The following SLITRK3 variants were observed in gnomAD, a reference collection of about 807,000 sequenced individuals.
The protein encoded by SLITRK3 is SLIT and NTRK like family member 3.
SLITRK3 carries 16 observed loss-of-function variants against 63.6 expected under a neutral mutation model. The observed-to-expected ratio is 0.25, with a 90% CI of 0.17 to 0.38. The LOEUF (loss-of-function observed/expected upper bound fraction) is 0.38. SLITRK3 is among the 10% of genes least tolerant of loss of function. The pLI is 1.00. For synonymous variants in SLITRK3, 547 were observed against 451.6 expected (o/e 1.21, Z -2.68); for missense variants, 1,117 against 1,181.4 (o/e 0.95, Z 0.80).
At position 165,188,401 on chromosome 3, in the gene SLITRK3, G is replaced by C. The variant is rs376355321; in HGVS notation, c.2430C>G (p.Thr810=). The C allele has an allele frequency of 1.9e-4, 308 of 1,613,804 alleles. No individual in the cohort carries two copies. The highest frequency in any genetic ancestry group is 2.4e-4 in the Non-Finnish European group (278 of 1,179,978). ...CCCACTCCTTCTCTTTTTCCAGCAA[G>C]GTCCGGTAGTTACTATGGTTCTCCT... is the stretch of plus-strand genomic sequence containing the variant. ...TPKENHSNYR[T]LLEKEKEWAL... is the part of the protein sequence containing the mutation. Residue 810 remains threonine (T), a synonymous_variant, in exon 2 of 2, where the codon ACC becomes ACG. Transcript: ENST00000475390.
In SLITRK3 at chr3:165,189,970, A is replaced by G. The variant is rs146769812; in HGVS notation, c.861T>C (p.Ser287=). 52 of 1,614,080 alleles carry G rather than the reference A, an allele frequency of 3.2e-5. No individual in the cohort carries two copies. The highest frequency in any genetic ancestry group is 1.6e-4 in the Middle Eastern group (1 of 6,084). The change falls in exon 2 of 2, where the codon TCT becomes TCC. Residue 287 remains serine (S), a synonymous_variant. Transcript: ENST00000475390. The surrounding 1 kb of genome is among the most constrained non-coding windows in gnomAD (Gnocchi z 4.0). ...KTELCPLLSD[S]EVEASLGIPH... ...GAATTCCCAAACTAGCCTCTACCTC[A>G]GAGTCAGACAACAAGGGACAGAGTT...
In SLITRK3 at chr3:165,195,675, T is replaced by C. The variant is rs1560056958; in HGVS notation, c.-117A>G. 1 of 152,734 alleles carries C rather than the reference T, an allele frequency of 6.5e-6. No individual in the cohort carries two copies. The highest frequency in any genetic ancestry group is 2.4e-5 in the African/African-American group (1 of 41,472). The allele number at this position is 152,734 out of a possible 1,614,324, so 9.5% of individuals were successfully genotyped here. ...CTGCGAAGCTGAATTGTATCCATCATACTGTAGCCTTGTAGCTTCTCCTCT... is the reference window on the plus strand; with the variant it reads ...CTGCGAAGCTGAATTGTATCCATCACACTGTAGCCTTGTAGCTTCTCCTCT... On this transcript the variant is annotated 5_prime_UTR_variant, in exon 1 of 2. It removes an upstream start codon present in the reference 5' UTR. Coordinates refer to ENST00000475390, the MANE Select transcript of SLITRK3 (RefSeq NM_001318810.2).
chr3:165,190,642 A>G lies in SLITRK3; in HGVS notation c.189T>C (p.Ser63=). Residue 63 remains serine (S), a synonymous_variant, in exon 2 of 2, where the codon AGT becomes AGC. Coordinates refer to ENST00000475390, the MANE Select transcript of SLITRK3 (RefSeq NM_001318810.2). ...TCTGACTAATATTTGTAAATCCTTT[A>G]CTGTCACAATGTATATGAAAGAGGC... The part of the protein sequence containing the change: ...KESLFHIHCD[S]KGFTNISQIT... 2 of 1,614,048 alleles carry G rather than the reference A, an allele frequency of 1.2e-6. No homozygotes were observed. Among genetic ancestry groups the G allele is most frequent in the Non-Finnish European group, 1.7e-6 (2 of 1,179,950 alleles).
Position 165,190,279 on chromosome 3 carries a change from G to A in SLITRK3, c.552C>T (p.Leu184=). The A allele has an allele frequency of 1.2e-6, 2 of 1,614,138 alleles. No individual in the cohort carries two copies. Residue 184 remains leucine, a synonymous_variant, in exon 2 of 2, where the codon CTC becomes CTT. Transcript: ENST00000475390. ...KLRVLILNDN[L]IPMLPTNLFK... is the part of the protein sequence containing the mutation. ...ATAAATTGGTTGGAAGCATGGGGAT[G>A]AGATTATCATTTAAAATCAGAACCC...
At chr3:165,195,309 C>T (rs941656501) in intron 1 of SLITRK3, among the ~76,000 whole-genome samples, 3 of 152,118 alleles carry the variant, frequency 2.0e-5, no homozygotes, top group Admixed American at 1.3e-4. Context: ...GGGGAGGGGT[C>T]CTTCGCTCCG....
In SLITRK3 at chr3:165,188,144, G is replaced by C; in HGVS notation, c.2687C>G (p.Thr896Arg). ...ATAGAGACAGTCCACAAATCCCACT[G>C]TGCAGGGGGCAGGCTGTGGCCTCTC... ...DRERPQPAPC[T>R]VGFVDCLYGT... Residue 896 changes from threonine (T) to arginine (R), a missense_variant, in exon 2 of 2, where the codon ACA (threonine) becomes AGA (arginine). Around this residue, in one of 4 missense-constraint regions of SLITRK3, gnomAD observed 499 missense variants for 463.6 expected, o/e 1.08. Transcript: ENST00000475390. The C allele has an allele frequency of 6.2e-7, 1 of 1,613,562 alleles. No individual in the cohort carries two copies. The highest frequency in any genetic ancestry group is 8.5e-7 in the Non-Finnish European group (1 of 1,179,884).
rs377258565 is a variant in SLITRK3 at position 165,188,246 on chromosome 3, T to A, written c.2585A>T (p.His862Leu). The A allele has an allele frequency of 6.2e-7, 1 of 1,613,758 alleles. No individual in the cohort carries two copies. The highest frequency in any genetic ancestry group is 8.5e-7 in the Non-Finnish European group (1 of 1,179,890). The change falls in exon 2 of 2, where the codon CAC (histidine) becomes CTC (leucine). Residue 862 changes from histidine to leucine, a missense_variant. His to Leu is a moderately conservative substitution (Grantham distance 99, BLOSUM62 -3). This residue lies in a region of SLITRK3 where 499 missense variants were observed against 463.6 expected (regional missense o/e 1.08). Transcript: ENST00000475390. ...CACCACCCCACCATTTTTCTCATGG[T>A]GGCGGAACCCTGCCAAGTCTCCCCC... ...GTGGDLAGFRHHEKNGGVVLF... is the reference protein window; with the variant it reads ...GTGGDLAGFRLHEKNGGVVLF...
At chr3:165,195,339 G>C in intron 1 of SLITRK3, among the ~76,000 whole-genome samples, 1 of 152,080 alleles carries the variant, frequency 6.6e-6, no homozygotes, top group East Asian at 1.9e-4. Flanking sequence ...CTATTTGTTG[G>C]AGTTACTTAC....
At position 165,188,343 on chromosome 3, in the gene SLITRK3, T is replaced by C. The variant is rs771905342; in HGVS notation, c.2488A>G (p.Ile830Val). ...LAVSSSQLNT[I>V]VTVNHHHPHH... ...GGGTGATGGTGATTCACCGTCACTATGGTGTTAAGCTGGGAGCTGGACACT... is the reference window on the plus strand; with the variant it reads ...GGGTGATGGTGATTCACCGTCACTACGGTGTTAAGCTGGGAGCTGGACACT... The change falls in exon 2 of 2, where the codon ATA (isoleucine) becomes GTA (valine). Residue 830 changes from isoleucine to valine, a missense_variant. Coordinates refer to ENST00000475390, the MANE Select transcript of SLITRK3 (RefSeq NM_001318810.2). 10 of 1,613,918 alleles carry C rather than the reference T, an allele frequency of 6.2e-6. No individual in the cohort carries two copies. Among genetic ancestry groups the C allele is most frequent in the South Asian group, 1.1e-5 (1 of 91,062 alleles).
At position 165,187,480 on chromosome 3, in the gene SLITRK3, C is replaced by T. The variant is rs763736995; in HGVS notation, c.*417G>A. 9.1e-5 allele frequency: 14 copies of T among 154,536 alleles called. No homozygotes were observed. Among genetic ancestry groups the T allele is most frequent in the Non-Finnish European group, 1.6e-4 (11 of 69,870 alleles). 9.6% of individuals were successfully genotyped at this position (154,536 alleles called of 1,614,324 possible). A position where few individuals can be genotyped will look rare whatever the true frequency, so the allele number is the denominator to read the frequency against. ...CAAATGACAAATGTCAACTTGTTTCCCCCCCTTTAAATCAAAACTACAACT... is the reference window on the plus strand; with the variant it reads ...CAAATGACAAATGTCAACTTGTTTCTCCCCCTTTAAATCAAAACTACAACT... On this transcript the variant is annotated 3_prime_UTR_variant, in exon 2 of 2. Coordinates refer to ENST00000475390, the MANE Select transcript of SLITRK3 (RefSeq NM_001318810.2).
At chr3:165,193,444 T>A (rs1168810620) in intron 1 of SLITRK3, among the ~76,000 whole-genome samples, 1 of 151,976 alleles carries the variant, frequency 6.6e-6, no homozygotes, top group Non-Finnish European at 1.5e-5. Flanking sequence ...GGACAGCCAT[T>A]CCCTGCAATG....
chr3:165,189,245 A>G lies in SLITRK3; in HGVS notation c.1586T>C (p.Leu529Pro). Residue 529 changes from leucine (L) to proline (P), a missense_variant, in exon 2 of 2, where the codon CTG becomes CCG. Coordinates refer to ENST00000475390, the MANE Select transcript of SLITRK3 (RefSeq NM_001318810.2). This position sits in a 1 kb window ranked among gnomAD's most constrained non-coding sequence, Gnocchi z 4.0. ...GTTCTTCCTCAGGTTGAGCCGGGCC[A>G]GGGATGTGCCAGCAAAGGCGTCTGT... ...LPTDAFAGTS[L>P]ARLNLRKNYF... The G allele has an allele frequency of 6.2e-7, 1 of 1,614,230 alleles. No homozygotes were observed. The highest frequency in any genetic ancestry group is 8.5e-7 in the Non-Finnish European group (1 of 1,180,042).
At chr3:165,191,057 G>C (rs2108209199) in intron 1 of SLITRK3, among the ~76,000 whole-genome samples, 1 of 152,282 alleles carries the variant, frequency 6.6e-6, no homozygotes, top group Middle Eastern at 3.4e-3. Context: ...GAACCATGCA[G>C]TGACATTTTC....
At chr3:165,191,375 A>G (rs1417016775) in intron 1 of SLITRK3, among the ~76,000 whole-genome samples, 1 of 152,248 alleles carries the variant, frequency 6.6e-6, no homozygotes, top group Non-Finnish European at 1.5e-5. Context: ...GTGATAAAGT[A>G]TGAGCCTATT....
intron 1 of SLITRK3, among the ~76,000 whole-genome samples, chr3:165,191,747 A>G (rs1370116916): frequency 6.6e-6 from 1 of 152,216 alleles, no homozygotes; most frequent in Non-Finnish European, 1.5e-5. Context: ...CGCCTTCAAG[A>G]TCAACTGAGG....
At chr3:165,193,738 A>G (rs1035937872) in intron 1 of SLITRK3, among the ~76,000 whole-genome samples, 1 of 152,140 alleles carries the variant, frequency 6.6e-6, no homozygotes, top group Non-Finnish European at 1.5e-5. Flanking sequence ...ACAATGGTAC[A>G]TTTCACATTG....
rs1195136525 is a variant in SLITRK3 at position 165,189,894 on chromosome 3, T to C, written c.937A>G (p.Met313Val). ...ENAWPTKPSS[M>V]LSSVHFTASS... ...GCAGTAAAATGAACAGAGGATAGCA[T>C]TGAGGAAGGCTTAGTTGGCCATGCA... Residue 313 changes from methionine (M) to valine (V), a missense_variant, in exon 2 of 2, where the codon ATG (methionine) becomes GTG (valine). Physicochemically the swap from Met to Val is conservative, Grantham distance 21 (BLOSUM62 1). This residue lies in a region of SLITRK3 where 452 missense variants were observed against 495.3 expected (regional missense o/e 0.91). Coordinates refer to ENST00000475390, the MANE Select transcript of SLITRK3 (RefSeq NM_001318810.2). This position sits in a 1 kb window ranked among gnomAD's most constrained non-coding sequence, Gnocchi z 4.0. The C allele has an allele frequency of 4.3e-6, 7 of 1,614,048 alleles. No homozygotes were observed. The highest frequency in any genetic ancestry group is 5.9e-6 in the Non-Finnish European group (7 of 1,180,030).
At position 165,188,448 on chromosome 3, in the gene SLITRK3, C is replaced by T. The variant is rs747597295; in HGVS notation, c.2383G>A (p.Glu795Lys). The T allele has an allele frequency of 1.3e-5, 21 of 1,613,722 alleles. No individual in the cohort carries two copies. The Admixed American group carries it at 1.7e-4, about 13-fold the overall frequency. The part of the protein sequence containing the change: ...PGMGEALLGS[E>K]QFAETPKENH... The stretch of plus-strand genomic sequence containing the variant: ...TCCTTGGGTGTCTCAGCAAACTGCT[C>T]ACTTCCTAGGAGAGCCTCACCCATT... The change falls in exon 2 of 2, where the codon GAG becomes AAG. Residue 795 changes from glutamate (E) to lysine (K), a missense_variant. By Grantham distance (56) the Glu-to-Lys change is moderately conservative (BLOSUM62 1). Transcript: ENST00000475390.
chr3:165,196,394 CCATT>C (rs541338602), upstream of SLITRK3, among the ~76,000 whole-genome samples: 1,146 of 148,156 alleles, frequency 7.7e-3, 15 homozygotes, highest in African/African-American at 0.028. Context: ...TGACCGCTCA[CCATT>C]CAAGCACCCT....
Sources: allele counts gnomAD v4.1 joint callset (sites outside exome capture counted in the v4.1 genomes callset), GRCh38; gene constraint gnomAD v4.1.1; regional missense constraint gnomAD v4.1.1; non-coding constraint Gnocchi (gnomAD v3.1); transcripts MANE v1.5; gene names NCBI Gene and HGNC (gene_info 2026-07-23, HGNC 2026-07-21).